Variants in NHSL1 observed in about 807,000 individuals in gnomAD.
NHSL1 encodes the protein NHS-like protein 1.
NHSL1 carries 48 observed loss-of-function variants against 95.0 expected under a neutral mutation model. The observed-to-expected ratio is 0.51, with a 90% CI of 0.40 to 0.64. NHSL1 has a LOEUF of 0.64. Among genes scored for constraint, NHSL1 ranks in the 30% least tolerant of loss-of-function variants. NHSL1 has a pLI of 0.00. For missense variants in NHSL1, 1,971 were observed against 2,077.7 expected (o/e 0.95, Z 1.00); for synonymous variants, 783 against 833.9 (o/e 0.94, Z 1.05).
chr6:138,620,279 T>A (rs1784638181), intron 1 of NHSL1, among the ~76,000 whole-genome samples: 1 of 152,164 alleles, frequency 6.6e-6, no homozygotes. Flanking sequence ...TGAAACAATT[T>A]GTCAACAGAT....
intron 1 of NHSL1, among the ~76,000 whole-genome samples, chr6:138,669,213 C>T (rs1785333130): frequency 6.6e-6 from 1 of 152,050 alleles, no homozygotes; most frequent in Non-Finnish European, 1.5e-5. Context: ...GAACTGAACA[C>T]AGATGTCAAA....
chr6:138,653,171 G>T (rs1410946655), intron 1 of NHSL1, among the ~76,000 whole-genome samples: 1 of 152,130 alleles, frequency 6.6e-6, no homozygotes, highest in Non-Finnish European at 1.5e-5. Context: ...TCTTCATTCT[G>T]CACTCAAGAC....
At chr6:138,657,627 C>G (rs1161578152) in intron 1 of NHSL1, among the ~76,000 whole-genome samples, 2 of 151,748 alleles carry the variant, frequency 1.3e-5, no homozygotes, top group Non-Finnish European at 2.9e-5. Context: ...TCCTGGCTAA[C>G]ACGGTGAAAC....
intron 1 of NHSL1, among the ~76,000 whole-genome samples, chr6:138,603,848 C>T (rs1052750587): frequency 2.0e-5 from 3 of 152,070 alleles, no homozygotes; most frequent in African/African-American, 7.2e-5. Flanking sequence ...AATCACATAC[C>T]TGTACCAACC....
intron 1 of NHSL1, chr6:138,571,466 G>T (rs879838179): frequency 5.7e-5 from 26 of 456,720 alleles, no homozygotes; most frequent in Admixed American, 5.7e-4. Flanking sequence ...AGGGAGGGAG[G>T]CTGCCGAGAA....
chr6:138,686,652 C>A (rs1235781937), intron 1 of NHSL1, among the ~76,000 whole-genome samples: 4 of 152,142 alleles, frequency 2.6e-5, no homozygotes, highest in Non-Finnish European at 5.9e-5. Flanking sequence ...TCTCTGTTTA[C>A]AGATATGAAA....
intron 1 of NHSL1, among the ~76,000 whole-genome samples, chr6:138,612,209 A>C (rs1188389601): frequency 6.6e-6 from 1 of 152,044 alleles, no homozygotes; most frequent in African/African-American, 2.4e-5. Flanking sequence ...ATTTGGAAGT[A>C]TCTATTAAAA....
rs181532138 is a variant in NHSL1 at position 138,480,648 on chromosome 6, T to G, written c.212-7215A>C. Among the ~76,000 whole-genome samples the G allele has an allele frequency of 5.3e-3, 815 of 152,354 alleles. 6 individuals are homozygous for G. The highest frequency in any genetic ancestry group is 0.012 in the Admixed American group (183 of 15,306). ...ATTTTAAAAACTGAATGTGGTTTAT[T>G]TTTAATAGCATTGAATCTTTTGCAA... is the stretch of plus-strand genomic sequence containing the variant. On this transcript the variant is annotated intron_variant, in intron 2 of 7. Coordinates refer to ENST00000343505, the MANE Select transcript of NHSL1 (RefSeq NM_001144060.2).
chr6:138,626,124 T>C (rs1217618001), intron 1 of NHSL1, among the ~76,000 whole-genome samples: 1 of 152,226 alleles, frequency 6.6e-6, no homozygotes, highest in Non-Finnish European at 1.5e-5. Flanking sequence ...CAGCTTGGTT[T>C]TAATTGATCA....
At chr6:138,672,075 T>G (rs527555770) in intron 1 of NHSL1, among the ~76,000 whole-genome samples, 1 of 152,288 alleles carries the variant, frequency 6.6e-6, no homozygotes, top group East Asian at 1.9e-4. Flanking sequence ...GAGGAAAATT[T>G]CTTTAAAATC....
intron 3 of NHSL1, among the ~76,000 whole-genome samples, chr6:138,461,078 A>G (rs977808558): frequency 4.6e-5 from 7 of 152,112 alleles, no homozygotes; most frequent in African/African-American, 9.7e-5. Context: ...ACCAGGCCCA[A>G]TGTTTTTGAC....
chr6:138,562,640 G>A (rs1783456346), intron 1 of NHSL1, among the ~76,000 whole-genome samples: 1 of 152,090 alleles, frequency 6.6e-6, no homozygotes, highest in South Asian at 2.1e-4. Flanking sequence ...CCAGTCTGGG[G>A]CACAGAGTAA....
chr6:138,443,961 G>A (rs948861887), intron 4 of NHSL1, among the ~76,000 whole-genome samples: 31 of 152,276 alleles, frequency 2.0e-4, no homozygotes, highest in African/African-American at 2.2e-4. Flanking sequence ...TAAGACACAC[G>A]TCATTGAAGG....
At position 138,499,257 on chromosome 6, in the gene NHSL1, A is replaced by C; in HGVS notation, c.34T>G (p.Leu12Val). 2 of 1,550,354 alleles carry C rather than the reference A, an allele frequency of 1.3e-6. No homozygotes were observed. The highest frequency in any genetic ancestry group is 1.7e-6 in the Non-Finnish European group (2 of 1,145,958). Residue 12 changes from leucine to valine, a missense_variant, in exon 1 of 8, where the codon TTA becomes GTA. Physicochemically the swap from Leu to Val is conservative, Grantham distance 32. Transcript: ENST00000343505. Reference protein sequence around the residue: ...VVFINAKIKSLIKLFKKKTVS... With the variant: ...VVFINAKIKSVIKLFKKKTVS... ...CTTTTCTTCTTAAAAAGTTTAATTA[A>C]AGACTTAATCTTTGCATTAATGAAG... is the stretch of plus-strand genomic sequence containing the variant.
chr6:138,609,398 C>T (rs1440022490), intron 1 of NHSL1, among the ~76,000 whole-genome samples: 1 of 152,156 alleles, frequency 6.6e-6, no homozygotes, highest in Non-Finnish European at 1.5e-5. Flanking sequence ...TCAAGCCCCA[C>T]CATTACAACT....
chr6:138,456,833 C>T, intron 3 of NHSL1, among the ~76,000 whole-genome samples: 1 of 151,744 alleles, frequency 6.6e-6, no homozygotes, highest in African/African-American at 2.4e-5. Context: ...ATGGTGTACT[C>T]TTTGATTTCA....
At chr6:138,593,795 T>C (rs1340189178) in intron 1 of NHSL1, among the ~76,000 whole-genome samples, 6 of 152,214 alleles carry the variant, frequency 3.9e-5, no homozygotes. Context: ...AGTTATGAAT[T>C]AGTAAACTGC....
rs917826146 is a variant in NHSL1 at position 138,559,825 on chromosome 6, T to C, written c.202+11885A>G. Among the ~76,000 whole-genome samples the C allele has an allele frequency of 5.9e-5, 9 of 152,350 alleles. No homozygotes were observed. In the East Asian group the frequency reaches 7.7e-4, roughly 13 times the overall value. The stretch of plus-strand genomic sequence containing the variant: ...AATAAACAGAGAAAACAGAGTACCA[T>C]ATGTAGACACGCAGTAAAGGTAAAT... On this transcript the variant is annotated intron_variant, in intron 1 of 6. Coordinates refer to the NHSL1 transcript ENST00000427025.
intron 1 of NHSL1, among the ~76,000 whole-genome samples, chr6:138,512,757 C>G (rs2128301929): frequency 6.6e-6 from 1 of 152,248 alleles, no homozygotes; most frequent in East Asian, 1.9e-4. Flanking sequence ...GGCAGACGAC[C>G]GCTTTCAGCC....
Sources: gnomAD v4.1 joint callset for allele counts (sites outside exome capture counted in the v4.1 genomes callset) on GRCh38, gnomAD v4.1.1 for gene constraint, MANE v1.5 for transcripts, NCBI Gene and HGNC (gene_info 2026-07-23, HGNC 2026-07-21) for gene names.